Variants in NRG3 observed in about 807,000 individuals in gnomAD.
NRG3 encodes pro-neuregulin-3, membrane-bound isoform.
A neutral mutation model predicts 66.9 loss-of-function variants in NRG3; 31 were observed. The observed-to-expected ratio is 0.46, with a 90% CI of 0.35 to 0.63. NRG3 has a LOEUF of 0.63. NRG3 is among the 20% of genes least tolerant of loss of function. The pLI is 0.00. For synonymous variants in NRG3, 393 were observed against 359.4 expected, an observed-to-expected ratio of 1.09 and a Z score of -1.06; for missense variants, 910 against 878.9, an observed-to-expected ratio of 1.04 and a Z score of -0.45.
intron 2 of NRG3, among the ~76,000 whole-genome samples, chr10:82,701,316 A>G (rs7923865): frequency 0.22 from 33,999 of 152,030 alleles, 3,929 homozygotes; most frequent in Middle Eastern, 0.35. Flanking sequence ...GTTAATGACT[A>G]TAAAATAACA....
At chr10:82,585,636 TCTGAGAA>T (rs2046625485) in intron 2 of NRG3, among the ~76,000 whole-genome samples, 1 of 152,184 alleles carries the variant, frequency 6.6e-6, no homozygotes, top group Admixed American at 6.6e-5. Flanking sequence ...TGAAATTCTA[TCTGAGAA>T]CCTGTTTTGA....
At chr10:82,254,654 T>TACACACAC (rs147171906) in intron 1 of NRG3, among the ~76,000 whole-genome samples, 1 of 148,892 alleles carries the variant, frequency 6.7e-6, no homozygotes, top group African/African-American at 2.5e-5. Context: ...ACAAAACAAA[T>TACACACAC]ACACACACAC....
chr10:82,039,430 A>G (rs2132987337), intron 1 of NRG3, among the ~76,000 whole-genome samples: 1 of 152,238 alleles, frequency 6.6e-6, no homozygotes, highest in East Asian at 1.9e-4. Flanking sequence ...ACAGTGCCGC[A>G]TTGGGGATAG....
intron 2 of NRG3, among the ~76,000 whole-genome samples, chr10:82,472,750 C>G (rs1036960718): frequency 6.6e-6 from 1 of 152,236 alleles, no homozygotes; most frequent in African/African-American, 2.4e-5. Context: ...TAGTGTCCTA[C>G]AGTCTTTTAC....
intron 1 of NRG3, among the ~76,000 whole-genome samples, chr10:82,064,841 CTG>C (rs1253445805): frequency 1.3e-5 from 2 of 152,110 alleles, no homozygotes; most frequent in African/African-American, 4.8e-5. Context: ...ACCTTTATCT[CTG>C]TATTTTTAAT....
At chr10:82,254,502 T>A (rs1163782650) in intron 1 of NRG3, among the ~76,000 whole-genome samples, 1 of 152,196 alleles carries the variant, frequency 6.6e-6, no homozygotes, top group East Asian at 1.9e-4. Flanking sequence ...GCCCAGAGCT[T>A]GGTTTGTAAT....
At chr10:82,265,890 A>C (rs2078271001) in intron 1 of NRG3, among the ~76,000 whole-genome samples, 1 of 152,176 alleles carries the variant, frequency 6.6e-6, no homozygotes, top group South Asian at 2.1e-4. Context: ...CGGAGCATGA[A>C]TTGTCCCTAT....
intron 2 of NRG3, among the ~76,000 whole-genome samples, chr10:82,699,186 A>G (rs7914841): frequency 0.31 from 46,651 of 151,726 alleles, 8,400 homozygotes; most frequent in African/African-American, 0.49. Flanking sequence ...AGCCCAGGGA[A>G]GTTCCTGTTA....
chr10:82,390,197 A>G (rs1470083453), intron 2 of NRG3, among the ~76,000 whole-genome samples: 5 of 152,158 alleles, frequency 3.3e-5, no homozygotes, highest in Non-Finnish European at 5.9e-5. Context: ...TCTGACTCTC[A>G]GTGATCCATT....
At chr10:82,476,039 T>G (rs552252171) in intron 2 of NRG3, among the ~76,000 whole-genome samples, 13 of 152,190 alleles carry the variant, frequency 8.5e-5, no homozygotes, top group African/African-American at 2.6e-4. Context: ...TGAATAGACA[T>G]TTCTCCAAAG....
intron 2 of NRG3, among the ~76,000 whole-genome samples, chr10:82,446,462 G>C (rs1590162181): frequency 6.6e-6 from 1 of 152,066 alleles, no homozygotes; most frequent in East Asian, 1.9e-4. Flanking sequence ...GCCATAAAAA[G>C]GAATGAGATC....
intron 1 of NRG3, among the ~76,000 whole-genome samples, chr10:81,949,467 T>C (rs1485073550): frequency 6.6e-6 from 1 of 151,960 alleles, no homozygotes; most frequent in Middle Eastern, 3.2e-3. Context: ...CGTCACCTTG[T>C]TTAGGAACTG....
At chr10:82,193,301 C>T (rs752636294) in intron 1 of NRG3, among the ~76,000 whole-genome samples, 1 of 152,106 alleles carries the variant, frequency 6.6e-6, no homozygotes, top group Admixed American at 6.6e-5. Context: ...TGCCACCATG[C>T]CCGGCTAATT....
intron 2 of NRG3, among the ~76,000 whole-genome samples, chr10:82,669,770 T>C (rs973341532): frequency 6.6e-6 from 1 of 151,502 alleles, no homozygotes; most frequent in African/African-American, 2.4e-5. Context: ...CTACTAAAAA[T>C]ACAAAAAATA....
At chr10:82,938,415 G>GCATATGGA (rs1848283353) in intron 4 of NRG3, among the ~76,000 whole-genome samples, 3 of 152,188 alleles carry the variant, frequency 2.0e-5, no homozygotes, top group Non-Finnish European at 4.4e-5. Context: ...CCATATGCCT[G>GCATATGGA]CTCTATGCAG....
intron 3 of NRG3, among the ~76,000 whole-genome samples, chr10:82,823,513 C>T (rs530464129): frequency 1.6e-4 from 25 of 152,122 alleles, no homozygotes; most frequent in Non-Finnish European, 3.5e-4. Flanking sequence ...GTGAGGGAGA[C>T]TGTTATGTGG....
chr10:81,990,927 CA>C (rs1341936543), intron 1 of NRG3, among the ~76,000 whole-genome samples: 3 of 152,098 alleles, frequency 2.0e-5, no homozygotes, highest in Non-Finnish European at 1.5e-5. Flanking sequence ...TCTTGCTTTG[CA>C]AATGTTAAAT....
intron 1 of NRG3, among the ~76,000 whole-genome samples, chr10:82,107,233 C>T (rs1164658890): frequency 3.3e-5 from 5 of 152,212 alleles, no homozygotes; most frequent in African/African-American, 9.6e-5. Flanking sequence ...AATCTCATGT[C>T]GGCATTCAAA....
At chr10:82,825,336 T>G (rs1242054025) in intron 3 of NRG3, among the ~76,000 whole-genome samples, 1 of 152,364 alleles carries the variant, frequency 6.6e-6, no homozygotes, top group Non-Finnish European at 1.5e-5. Flanking sequence ...CATCTTGAGT[T>G]AATTTTTTCC....
Sources: gnomAD v4.1 joint callset for allele counts (sites outside exome capture counted in the v4.1 genomes callset) on GRCh38, gnomAD v4.1.1 for gene constraint, MANE v1.5 for transcripts, NCBI Gene and HGNC (gene_info 2026-07-23, HGNC 2026-07-21) for gene names.